Variants in FRMD4B observed in about 807,000 individuals in gnomAD.
The protein encoded by FRMD4B is FERM domain-containing protein 4B.
Under a neutral mutation model 141.5 loss-of-function variants are expected in FRMD4B, and 74 were observed. The observed-to-expected ratio is 0.52, with a 90% CI of 0.43 to 0.63. FRMD4B has a LOEUF of 0.63. Ranked by LOEUF, FRMD4B falls within the 30% of genes least tolerant of loss-of-function variation. The pLI, the probability that FRMD4B is intolerant of heterozygous loss-of-function variation, is 0.00. For synonymous variants in FRMD4B, 506 were observed against 467.9 expected (o/e 1.08, Z -1.05); for missense variants, 1,366 against 1,253.4 (o/e 1.09, Z -1.36).
At chr3:69,469,640 C>A (rs905474943) in intron 1 of FRMD4B, among the ~76,000 whole-genome samples, 3 of 152,268 alleles carry the variant, frequency 2.0e-5, no homozygotes, top group African/African-American at 7.2e-5. Context: ...ACCAGAATCC[C>A]ATAGCAAGCC....
intron 1 of FRMD4B, among the ~76,000 whole-genome samples, chr3:69,441,418 C>T (rs1048552684): frequency 6.6e-6 from 1 of 152,148 alleles, no homozygotes; most frequent in African/African-American, 2.4e-5. Context: ...TAGTTTCTTC[C>T]TGCTGTTTGG....
chr3:69,295,659 C>G (rs1276345557), intron 4 of FRMD4B, among the ~76,000 whole-genome samples: 2 of 152,048 alleles, frequency 1.3e-5, no homozygotes, highest in African/African-American at 4.8e-5. Flanking sequence ...ACCAGGGATG[C>G]TGCTAAAGAT....
At chr3:69,222,467 C>CAA (rs11293743) in intron 8 of FRMD4B, among the ~76,000 whole-genome samples, 2,412 of 94,566 alleles carry the variant, frequency 0.026, 86 homozygotes, top group Admixed American at 0.032. Flanking sequence ...AAATCCATCT[C>CAA]AAAAAAAAAA....
intron 1 of FRMD4B, among the ~76,000 whole-genome samples, chr3:69,356,427 T>A (rs2003264): frequency 6.6e-6 from 1 of 151,932 alleles, no homozygotes; most frequent in Non-Finnish European, 1.5e-5. Flanking sequence ...TCTCTCGTGC[T>A]GGATGCTTCC....
rs1303685255 is a variant in FRMD4B, at chr3:69,323,606, G to GTGTA, written c.163-10093_163-10090dup. 2.4e-3 allele frequency among the ~76,000 whole-genome samples: 174 copies of GTGTA among 72,602 alleles called. 1 individual carries two copies. The highest frequency in any genetic ancestry group is 9.2e-3 in the African/African-American group (166 of 18,038). 47.6% of individuals were successfully genotyped at this position (72,602 alleles called of 152,430 possible). A position where few individuals can be genotyped will look rare whatever the true frequency, so the allele number is the denominator to read the frequency against. ...AACCCAACTCTCTCTCTCTCTCTCT[G>GTGTA]TGTATATATATATATATATATATAT... On this transcript the variant is annotated intron_variant, in intron 1 of 22. Transcript: ENST00000398540.
rs868082684 is a variant in FRMD4B at position 69,265,297 on chromosome 3, T to A, written c.502-15198A>T. Among the ~76,000 whole-genome samples the A allele has an allele frequency of 8.7e-3, 935 of 108,066 alleles. 161 individuals are homozygous for A. The highest frequency in any genetic ancestry group is 0.021 in the African/African-American group (550 of 26,134). 70.9% of individuals were successfully genotyped at this position (108,066 alleles called of 152,430 possible). On this transcript the variant is annotated intron_variant, in intron 5 of 22. Transcript: ENST00000398540. The stretch of plus-strand genomic sequence containing the variant: ...ATATATATATATATATATATATATA[T>A]ATATATATATATATATATGCAGATA...
chr3:69,203,446 T>C (rs2092992334), intron 11 of FRMD4B, among the ~76,000 whole-genome samples: 1 of 152,192 alleles, frequency 6.6e-6, no homozygotes, highest in Non-Finnish European at 1.5e-5. Context: ...GAGAGTCATT[T>C]ATCCATTTCT....
At chr3:69,348,022 C>A (rs1191001682) in intron 1 of FRMD4B, among the ~76,000 whole-genome samples, 1 of 151,912 alleles carries the variant, frequency 6.6e-6, no homozygotes, top group African/African-American at 2.4e-5. Flanking sequence ...AAAAACCCTT[C>A]AAAAAATCAA....
chr3:69,466,724 G>T (rs1444532586), intron 1 of FRMD4B, among the ~76,000 whole-genome samples: 1 of 152,064 alleles, frequency 6.6e-6, no homozygotes, highest in Non-Finnish European at 1.5e-5. Flanking sequence ...TTTGAGACAG[G>T]ATCACTCTGT....
intron 5 of FRMD4B, among the ~76,000 whole-genome samples, chr3:69,280,080 C>A (rs1361171803): frequency 1.3e-5 from 2 of 152,098 alleles, no homozygotes; most frequent in African/African-American, 4.8e-5. Context: ...AGAATAATAA[C>A]CTGGGGCAAG....
intron 21 of FRMD4B, among the ~76,000 whole-genome samples, chr3:69,177,856 G>A (rs796201707): frequency 6.6e-6 from 1 of 152,126 alleles, no homozygotes; most frequent in South Asian, 2.1e-4. Flanking sequence ...CTCAGCCAAA[G>A]ACAACACTGG....
At chr3:69,340,356 C>A (rs1702697074) in intron 1 of FRMD4B, among the ~76,000 whole-genome samples, 1 of 152,098 alleles carries the variant, frequency 6.6e-6, no homozygotes, top group African/African-American at 2.4e-5. Context: ...TGTTGTTCCT[C>A]TCTTTGTGTC....
intron 2 of FRMD4B, among the ~76,000 whole-genome samples, chr3:69,397,115 T>C (rs545436965): frequency 2.6e-5 from 4 of 152,294 alleles, no homozygotes; most frequent in African/African-American, 7.2e-5. Flanking sequence ...AACTCAAGTG[T>C]CCATCACTTG....
At chr3:69,490,485 A>G (rs1159423819) in intron 1 of FRMD4B, among the ~76,000 whole-genome samples, 4 of 152,064 alleles carry the variant, frequency 2.6e-5, no homozygotes, top group Non-Finnish European at 5.9e-5. Flanking sequence ...AGGCGTTTGC[A>G]ATGGTGCTTC....
At position 69,250,726 on chromosome 3, in the gene FRMD4B, C is replaced by CTTT. The variant is rs543092302; in HGVS notation, c.502-630_502-628dup. ...GAGGAACTCTAATTTATCAGTTTTC[C>CTTT]TTTTTTTTTTTTTTTTTTATCATTC... On this transcript the variant is annotated intron_variant, in intron 5 of 22. Coordinates refer to ENST00000398540, the MANE Select transcript of FRMD4B (RefSeq NM_015123.3). Among the ~76,000 whole-genome samples the CTTT allele has an allele frequency of 1.6e-3, 211 of 134,376 alleles. 2 individuals are homozygous for CTTT. Among genetic ancestry groups the CTTT allele is most frequent in the African/African-American group, 5.3e-3 (194 of 36,674 alleles). The allele number at this position is 134,376 out of a possible 152,430, so 88.2% of individuals were successfully genotyped here.
intron 1 of FRMD4B, among the ~76,000 whole-genome samples, chr3:69,532,784 A>G (rs761403125): frequency 6.6e-6 from 1 of 152,216 alleles, no homozygotes; most frequent in Non-Finnish European, 1.5e-5. Context: ...GGGCTCAGTC[A>G]GGTGCAACAA....
At chr3:69,353,690 A>G in intron 1 of FRMD4B, 1 of 984,974 alleles carries the variant, frequency 1.0e-6, no homozygotes, top group Non-Finnish European at 1.2e-6. Flanking sequence ...CTCCAACTAC[A>G]AGCCAGTGGA....
intron 1 of FRMD4B, among the ~76,000 whole-genome samples, chr3:69,457,555 T>C (rs1224411177): frequency 6.6e-6 from 1 of 152,210 alleles, no homozygotes; most frequent in East Asian, 1.9e-4. Context: ...TGCACTCCAC[T>C]AAAATGGTAA....
At chr3:69,402,869 G>GA (rs1221104766) in intron 2 of FRMD4B, among the ~76,000 whole-genome samples, 1 of 152,176 alleles carries the variant, frequency 6.6e-6, no homozygotes, top group African/African-American at 2.4e-5. Context: ...ATATACATAT[G>GA]AAAATCACTG....
Sources: allele counts gnomAD v4.1 joint callset (sites outside exome capture counted in the v4.1 genomes callset), GRCh38; gene constraint gnomAD v4.1.1; transcripts MANE v1.5; gene names NCBI Gene and HGNC (gene_info 2026-07-23, HGNC 2026-07-21).